Variants in DRC9 observed in about 807,000 individuals in gnomAD.
DRC9 encodes dynein regulatory complex protein 9.
the DRC9 span, among the ~76,000 whole-genome samples, chr3:197,914,349 C>A: frequency 6.6e-6 from 1 of 152,184 alleles, no homozygotes; most frequent in Non-Finnish European, 1.5e-5. Flanking sequence ...TCAAAATGAT[C>A]AAAAGAACTG....
chr3:197,893,999 G>C, the DRC9 span, among the ~76,000 whole-genome samples: 3 of 152,170 alleles, frequency 2.0e-5, no homozygotes, highest in South Asian at 6.2e-4. Context: ...AAAATAAAAT[G>C]AAAGAGATAT....
the DRC9 span, among the ~76,000 whole-genome samples, chr3:197,928,551 T>C: frequency 3.9e-5 from 6 of 152,252 alleles, no homozygotes; most frequent in Admixed American, 2.6e-4. Flanking sequence ...GGTGTCACCA[T>C]GTTGGCCAGG....
the DRC9 span, chr3:197,913,362 G>GTGCGTGTGTGCC: frequency 3.9e-6 from 1 of 254,082 alleles, no homozygotes; most frequent in African/African-American, 2.2e-5. Context: ...GCGTGCGTGC[G>GTGCGTGTGTGCC]TGTGTGCCAT....
the DRC9 span, chr3:197,892,479 T>C: frequency 2.2e-6 from 2 of 900,098 alleles, no homozygotes; most frequent in Admixed American, 2.3e-5. Context: ...CCAGCTACTG[T>C]GGCCTATTTG....
chr3:197,956,381 A>G, the DRC9 span: 4 of 154,862 alleles, frequency 2.6e-5, no homozygotes, highest in African/African-American at 9.6e-5. Context: ...GGGACTTGTG[A>G]CTGGACAAAG....
the DRC9 span, chr3:197,892,615 A>G: frequency 6.2e-7 from 1 of 1,613,864 alleles, no homozygotes; most frequent in South Asian, 1.1e-5. Flanking sequence ...GAGCGCCCTA[A>G]TTCCTTCCTT....
the DRC9 span, among the ~76,000 whole-genome samples, chr3:197,922,045 G>A: frequency 2.0e-5 from 3 of 151,668 alleles, no homozygotes; most frequent in Admixed American, 6.6e-5. Flanking sequence ...GTAACTCTGG[G>A]GATTTCACCT....
At chr3:197,950,973 T>C in the DRC9 span, 1 of 1,614,016 alleles carries the variant, frequency 6.2e-7, no homozygotes, top group Non-Finnish European at 8.5e-7. Context: ...GAACTATGTC[T>C]GGAAGGTACG....
the DRC9 span, chr3:197,950,231 G>T: frequency 1.6e-6 from 2 of 1,230,922 alleles, no homozygotes; most frequent in African/African-American, 1.6e-5. Flanking sequence ...GGTGAGTGAA[G>T]GGTCTGCTGC....
the DRC9 span, among the ~76,000 whole-genome samples, chr3:197,904,031 TATAC>T: frequency 1.5e-4 from 11 of 72,364 alleles, no homozygotes; most frequent in South Asian, 1.2e-3. Flanking sequence ...TACATATATA[TATAC>T]ATACATATAT....
the DRC9 span, among the ~76,000 whole-genome samples, chr3:197,937,113 C>A: frequency 3.3e-5 from 5 of 152,198 alleles, no homozygotes; most frequent in Admixed American, 2.6e-4. Context: ...TCCAATAAAG[C>A]TTTTCAAAAA....
chr3:197,953,045 C>T, the DRC9 span, among the ~76,000 whole-genome samples: 3 of 151,740 alleles, frequency 2.0e-5, no homozygotes, highest in Admixed American at 1.3e-4. Flanking sequence ...GTGATCCACC[C>T]GCCCCAGCCT....
At chr3:197,938,890 A>G in the DRC9 span, 4 of 795,890 alleles carry the variant, frequency 5.0e-6, no homozygotes, top group East Asian at 2.5e-5. Flanking sequence ...TCTACTCTAT[A>G]CTCCAAGAAA....
chr3:197,938,021 AACAAAG>A, the DRC9 span, among the ~76,000 whole-genome samples: 1 of 152,118 alleles, frequency 6.6e-6, no homozygotes, highest in African/African-American at 2.4e-5. Context: ...AAAAATTGGA[AACAAAG>A]ACAAAGGGCC....
At chr3:197,919,103 C>T in the DRC9 span, among the ~76,000 whole-genome samples, 3 of 152,158 alleles carry the variant, frequency 2.0e-5, no homozygotes, top group Non-Finnish European at 2.9e-5. Context: ...CCACCATGCC[C>T]GGCCAATGTA....
At chr3:197,928,805 C>T in the DRC9 span, among the ~76,000 whole-genome samples, 2 of 152,150 alleles carry the variant, frequency 1.3e-5, no homozygotes, top group Admixed American at 6.5e-5. Context: ...AAAATGAGAT[C>T]TAAATGTGTA....
the DRC9 span, among the ~76,000 whole-genome samples, chr3:197,918,204 T>TA: frequency 2.7e-5 from 4 of 148,528 alleles, no homozygotes. Flanking sequence ...ACCTCCCGAG[T>TA]AGCTGGGCCT....
the DRC9 span, among the ~76,000 whole-genome samples, chr3:197,889,867 G>A: frequency 6.6e-6 from 1 of 152,326 alleles, no homozygotes; most frequent in East Asian, 1.9e-4. Flanking sequence ...TCACTTCAGC[G>A]ATGCTCTCCT....
At chr3:197,912,626 G>T in the DRC9 span, 2 of 1,253,734 alleles carry the variant, frequency 1.6e-6, no homozygotes, top group South Asian at 1.2e-5. Context: ...CTCAGTATAA[G>T]CAGAGTACAA....
Sources: gnomAD v4.1 joint callset for allele counts (sites outside exome capture counted in the v4.1 genomes callset) on GRCh38, gnomAD v4.1.1 for gene constraint, MANE v1.5 for transcripts, NCBI Gene and HGNC (gene_info 2026-07-23, HGNC 2026-07-21) for gene names.